KDM5B: variants seen among roughly 807,000 people sequenced by gnomAD.
KDM5B encodes lysine-specific demethylase 5B.
KDM5B carries 144 observed loss-of-function variants against 193.4 expected under a neutral mutation model. The observed-to-expected ratio is 0.74, with a 90% CI of 0.65 to 0.86. KDM5B has a LOEUF of 0.86. KDM5B is among the 40% of genes least tolerant of loss of function. The pLI, the probability that KDM5B is intolerant of heterozygous loss-of-function variation, is 0.00. For missense variants in KDM5B, 1,833 were observed against 1,886.9 expected, an observed-to-expected ratio of 0.97 and a Z score of 0.53; for synonymous variants, 668 against 682.6, an observed-to-expected ratio of 0.98 and a Z score of 0.33.
intron 13 of KDM5B, among the ~76,000 whole-genome samples, chr1:202,749,485 A>T (rs562470217): frequency 6.6e-6 from 1 of 152,154 alleles, no homozygotes; most frequent in Non-Finnish European, 1.5e-5. Context: ...TGAGCCTGGG[A>T]GGTCGAGGCT....
At chr1:202,793,384 T>C (rs558286440) in intron 1 of KDM5B, among the ~76,000 whole-genome samples, 10 of 152,316 alleles carry the variant, frequency 6.6e-5, no homozygotes, top group South Asian at 2.1e-4. Flanking sequence ...TAAAAGGCAA[T>C]GCAGTAGTTC....
intron 20 of KDM5B, among the ~76,000 whole-genome samples, chr1:202,738,786 C>A (rs933351746): frequency 2.0e-5 from 3 of 152,102 alleles, no homozygotes; most frequent in African/African-American, 7.2e-5. Context: ...CAAATTAAGT[C>A]ATTCAGCCAG....
intron 1 of KDM5B, among the ~76,000 whole-genome samples, chr1:202,788,404 T>G (rs574954941): frequency 1.3e-5 from 2 of 152,346 alleles, no homozygotes; most frequent in South Asian, 4.1e-4. Flanking sequence ...ATGAAATACT[T>G]GGGAATGCAA....
At chr1:202,804,801 G>A (rs1238617305) in intron 1 of KDM5B, among the ~76,000 whole-genome samples, 1 of 151,328 alleles carries the variant, frequency 6.6e-6, no homozygotes, top group Non-Finnish European at 1.5e-5. Flanking sequence ...CCTGAGGTCG[G>A]GAGGCAGAGG....
rs759248141 is a variant in KDM5B at position 202,749,022 on chromosome 1, C to G, written c.1939G>C (p.Val647Leu). 3 of 1,614,010 alleles carry G rather than the reference C, an allele frequency of 1.9e-6. No individual in the cohort carries two copies. In the Admixed American group the frequency reaches 5.0e-5, roughly 27 times the overall value. The change falls in exon 14 of 27, where the codon GTG becomes CTG. Residue 647 changes from valine to leucine, a missense_variant. Around this residue, in one of 3 missense-constraint regions of KDM5B, gnomAD observed 1,379 missense variants for 1,349.6 expected, o/e 1.02. Coordinates refer to ENST00000367265, the MANE Select transcript of KDM5B (RefSeq NM_006618.5). ...ASKADVLDVVVASTVQKDMAI... is the reference protein window; with the variant it reads ...ASKADVLDVVLASTVQKDMAI... Reference sequence around the variant, plus strand: ...ATGTCTTTCTGAACAGTTGAAGCCACTACAACATCTAATACATCAGCCTTG... The same window carrying G: ...ATGTCTTTCTGAACAGTTGAAGCCAGTACAACATCTAATACATCAGCCTTG...
In KDM5B at chr1:202,727,065, CCA is replaced by C. The variant is rs879799505; in HGVS notation, c.*1969_*1970del. ...AGATGCTATTGTCAGGGACTGTGTA[CCA>C]CCACCCACAGGTGAAGAAGAAAAAC... On this transcript the variant is annotated 3_prime_UTR_variant, in exon 27 of 27. Transcript: ENST00000367265. The C allele has an allele frequency of 3.0e-5, 4 of 135,180 alleles. No individual in the cohort carries two copies. The Admixed American group carries it at 3.4e-4, about 12-fold the overall frequency. The allele number at this position is 135,180 out of a possible 1,614,324, so 8.4% of individuals were successfully genotyped here.
chr1:202,754,843 C>T (rs1037310995), intron 11 of KDM5B, among the ~76,000 whole-genome samples: 2 of 152,190 alleles, frequency 1.3e-5, no homozygotes, highest in Admixed American at 6.5e-5. Flanking sequence ...CACCACCACA[C>T]CCAGCTAATT....
intron 9 of KDM5B, among the ~76,000 whole-genome samples, chr1:202,757,895 G>A (rs1162578260): frequency 6.6e-6 from 1 of 152,136 alleles, no homozygotes; most frequent in African/African-American, 2.4e-5. Flanking sequence ...ATTACATTTT[G>A]GTGTACTCAT....
chr1:202,751,525 C>T (rs745498598), intron 12 of KDM5B, among the ~76,000 whole-genome samples: 7 of 152,028 alleles, frequency 4.6e-5, no homozygotes, highest in Admixed American at 6.6e-5. Context: ...ACAGGAACAC[C>T]ATATCTTCTA....
chr1:202,756,617 T>C (rs1452827028), intron 9 of KDM5B, 101 bp from the exon 10 acceptor site: 2 of 881,886 alleles, frequency 2.3e-6, no homozygotes, highest in Admixed American at 6.5e-5. Context: ...TAAGGAAAAA[T>C]TGTGTCTATA....
chr1:202,751,917 C>G (rs1655806387), intron 12 of KDM5B, among the ~76,000 whole-genome samples: 1 of 151,980 alleles, frequency 6.6e-6, no homozygotes, highest in African/African-American at 2.4e-5. Flanking sequence ...GAAGAAATAC[C>G]AACTATGAGG....
intron 1 of KDM5B, among the ~76,000 whole-genome samples, chr1:202,803,288 G>A (rs1375996622): frequency 6.6e-6 from 1 of 152,150 alleles, no homozygotes; most frequent in Non-Finnish European, 1.5e-5. Flanking sequence ...TATAACCATA[G>A]GAAGGGAAGG....
chr1:202,760,175 A>G (rs1271791847), intron 8 of KDM5B, among the ~76,000 whole-genome samples: 1 of 147,174 alleles, frequency 6.8e-6, no homozygotes, highest in African/African-American at 2.5e-5. Context: ...TTAGCCAGGC[A>G]TCATGGCATG....
chr1:202,766,863 C>A, intron 5 of KDM5B, 63 bp downstream of exon 5: 2 of 1,483,780 alleles, frequency 1.3e-6, no homozygotes, highest in South Asian at 2.8e-5. Flanking sequence ...AAATCCAGTG[C>A]CAGACAGCCA....
chr1:202,756,235 T>A lies in KDM5B; in HGVS notation c.1356+123A>T, dbSNP rs575993662. The A allele has an allele frequency of 2.1e-4, 170 of 827,628 alleles. 2 individuals carry two copies. The South Asian group carries it at 3.1e-3, about 15-fold the overall frequency. The allele number at this position is 827,628 out of a possible 1,614,324, so 51.3% of individuals were successfully genotyped here. On this transcript the variant is annotated intron_variant, in intron 10 of 26. Transcript: ENST00000367265. ...GAATTCTTCTGTAGGCTCTTTCTAC[T>A]TTTCTTGAAATCATTAAAAATCTGG...
chr1:202,770,817 T>C (rs1291256934), intron 4 of KDM5B, among the ~76,000 whole-genome samples: 1 of 152,240 alleles, frequency 6.6e-6, no homozygotes, highest in Non-Finnish European at 1.5e-5. Context: ...TACTTTCCTA[T>C]GTTTTTAAAC....
chr1:202,808,215 C>T lies in KDM5B; in HGVS notation c.91G>A (p.Glu31Lys). 2 of 1,612,708 alleles carry T rather than the reference C, an allele frequency of 1.2e-6. No individual in the cohort carries two copies. The highest frequency in any genetic ancestry group is 1.7e-6 in the Non-Finnish European group (2 of 1,179,544). The stretch of plus-strand genomic sequence containing the variant: ...CAGCTGGGTTCGAAGACCGGGCACT[C>T]GGGTGGAGGCAGGAACTCGCCCAGC... ...GPLGEFLPPPECPVFEPSWEE... is the reference protein window; with the variant it reads ...GPLGEFLPPPKCPVFEPSWEE... The change falls in exon 1 of 27, where the codon GAG becomes AAG. Residue 31 changes from glutamate (E) to lysine (K), a missense_variant. Glu to Lys is a moderately conservative substitution (Grantham distance 56). Around this residue, in one of 3 missense-constraint regions of KDM5B, gnomAD observed 355 missense variants for 374.9 expected, o/e 0.95. Coordinates refer to ENST00000367265, the MANE Select transcript of KDM5B (RefSeq NM_006618.5).
intron 11 of KDM5B, among the ~76,000 whole-genome samples, chr1:202,754,273 A>G (rs1221896738): frequency 6.6e-6 from 1 of 152,214 alleles, no homozygotes; most frequent in Non-Finnish European, 1.5e-5. Flanking sequence ...CTATACATAT[A>G]TATGCCAATT....
chr1:202,743,966 C>T (rs547485813), intron 16 of KDM5B, among the ~76,000 whole-genome samples: 1 of 152,202 alleles, frequency 6.6e-6, no homozygotes, highest in African/African-American at 2.4e-5. Flanking sequence ...AAAGCAACTT[C>T]AACAAAAGCA....
Sources: allele counts gnomAD v4.1 joint callset (sites outside exome capture counted in the v4.1 genomes callset), GRCh38; gene constraint gnomAD v4.1.1; regional missense constraint gnomAD v4.1.1; transcripts MANE v1.5; gene names NCBI Gene and HGNC (gene_info 2026-07-23, HGNC 2026-07-21).